PRKG2: variants seen among roughly 807,000 people sequenced by gnomAD.
The protein encoded by PRKG2 is cGMP-dependent protein kinase 2.
A neutral mutation model predicts 97.2 loss-of-function variants in PRKG2; 33 were observed. The observed-to-expected ratio is 0.34, with a 90% CI of 0.26 to 0.45. PRKG2 has a LOEUF of 0.45. Ranked by LOEUF, PRKG2 falls within the 20% of genes least tolerant of loss-of-function variation. PRKG2 has a pLI of 1.00. For missense variants in PRKG2, 638 were observed against 900.0 expected (o/e 0.71, Z 3.73); for synonymous variants, 330 against 321.8 (o/e 1.03, Z -0.27).
At chr4:81,140,046 C>G (rs1318643870) in intron 12 of PRKG2, among the ~76,000 whole-genome samples, 1 of 152,060 alleles carries the variant, frequency 6.6e-6, no homozygotes, top group Non-Finnish European at 1.5e-5. Context: ...ATAAGCCAGA[C>G]AGAGAAAGAC....
intron 14 of PRKG2, among the ~76,000 whole-genome samples, chr4:81,116,402 A>G (rs1198530783): frequency 6.6e-6 from 1 of 152,176 alleles, no homozygotes; most frequent in Admixed American, 6.5e-5. Flanking sequence ...TCCATGTTAT[A>G]TATGTACAAC....
At chr4:81,141,875 C>G (rs573501349) in intron 11 of PRKG2, among the ~76,000 whole-genome samples, 2 of 152,156 alleles carry the variant, frequency 1.3e-5, no homozygotes, top group Non-Finnish European at 2.9e-5. Context: ...TGTCCCTGCC[C>G]CCATCAGAGA....
At chr4:81,163,867 C>T (rs1355819409) in intron 6 of PRKG2, among the ~76,000 whole-genome samples, 1 of 66,080 alleles carries the variant, frequency 1.5e-5, no homozygotes, top group African/African-American at 2.3e-4. Context: ...GTATAGTACA[C>T]ACACACACAC....
At chr4:81,148,833 A>C in intron 9 of PRKG2, 51 bp downstream of exon 9, 1 of 1,514,476 alleles carries the variant, frequency 6.6e-7, no homozygotes, top group Non-Finnish European at 9.2e-7. Context: ...ACAGAAGGCC[A>C]AGTCTTCAAA....
At position 81,137,631 on chromosome 4, in the gene PRKG2, T is replaced by A. The variant is rs894137983; in HGVS notation, c.1545-149A>T. 4.8e-6 allele frequency: 3 copies of A among 627,878 alleles called. No individual in the cohort carries two copies. In the Admixed American group the frequency reaches 8.3e-5, roughly 17 times the overall value. 38.9% of individuals were successfully genotyped at this position (627,878 alleles called of 1,614,324 possible). A position where few individuals can be genotyped will look rare whatever the true frequency, so the allele number is the denominator to read the frequency against. ...CAACTACACTGGGCTTCTCGCCAAA[T>A]CCTCTTTGATTTCCCCACTGCCTTG... On this transcript the variant is annotated intron_variant, in intron 12 of 18. Coordinates refer to ENST00000264399, the MANE Select transcript of PRKG2 (RefSeq NM_006259.3).
Position 81,144,967 on chromosome 4 carries a change from G to A in PRKG2, c.1155-637C>T, listed in dbSNP as rs971128636. ...ATTTTTTATGGCTGCACAGTATTCCGTGGTGTATATGTGCCACATTTTCTT... is the reference window on the plus strand; with the variant it reads ...ATTTTTTATGGCTGCACAGTATTCCATGGTGTATATGTGCCACATTTTCTT... On this transcript the variant is annotated intron_variant, in intron 9 of 18. Coordinates refer to ENST00000264399, the MANE Select transcript of PRKG2 (RefSeq NM_006259.3). 1.1e-4 allele frequency among the ~76,000 whole-genome samples: 16 copies of A among 151,898 alleles called. No individual in the cohort carries two copies. In the South Asian group the frequency reaches 1.9e-3, roughly 18 times the overall value.
At chr4:81,185,856 A>G (rs1751836591) in intron 2 of PRKG2, among the ~76,000 whole-genome samples, 1 of 152,230 alleles carries the variant, frequency 6.6e-6, no homozygotes. Context: ...TAAACCTACA[A>G]AGATCAAAAA....
chr4:81,103,070 T>C (rs138086080), intron 17 of PRKG2, among the ~76,000 whole-genome samples: 4 of 152,348 alleles, frequency 2.6e-5, no homozygotes, highest in African/African-American at 9.6e-5. Flanking sequence ...ATCTTAAAGA[T>C]GGCAGTAGTT....
chr4:81,087,861 T>C lies in PRKG2; in HGVS notation c.*1847A>G, dbSNP rs895739871. On this transcript the variant is annotated 3_prime_UTR_variant, in exon 19 of 19. Transcript: ENST00000264399. ...AACCTGTAGTACTCTAACTTGGTTATTTCTATATATGTAGGGTTTTAAAAA... is the reference window on the plus strand; with the variant it reads ...AACCTGTAGTACTCTAACTTGGTTACTTCTATATATGTAGGGTTTTAAAAA... The C allele has an allele frequency of 6.6e-6, 1 of 152,152 alleles. No homozygotes were observed. The highest frequency in any genetic ancestry group is 1.5e-5 in the Non-Finnish European group (1 of 67,994). The allele number at this position is 152,152 out of a possible 1,614,324, so 9.4% of individuals were successfully genotyped here.
chr4:81,156,389 A>G (rs1039216944), intron 6 of PRKG2, among the ~76,000 whole-genome samples: 2 of 152,226 alleles, frequency 1.3e-5, no homozygotes, highest in African/African-American at 2.4e-5. Flanking sequence ...ACTATCCTAA[A>G]TATATATGCA....
Position 81,174,973 on chromosome 4 carries a change from A to T in PRKG2, c.462-14T>A. The T allele has an allele frequency of 6.3e-7, 1 of 1,575,782 alleles. No homozygotes were observed. The highest frequency in any genetic ancestry group is 8.6e-7 in the Non-Finnish European group (1 of 1,157,120). ...AGCTTCTTCTCACTGGTATAATGGA[A>T]AAGAGATGTTAGTTACAATTAATGA... is the stretch of plus-strand genomic sequence containing the variant. On this transcript the variant is annotated splice_polypyrimidine_tract_variant and intron_variant, in intron 2 of 18. Coordinates refer to ENST00000264399, the MANE Select transcript of PRKG2 (RefSeq NM_006259.3).
chr4:81,143,848 C>T (rs1262021860), intron 10 of PRKG2, among the ~76,000 whole-genome samples: 8 of 152,148 alleles, frequency 5.3e-5, no homozygotes, highest in Non-Finnish European at 1.0e-4. Context: ...CTCCACATAT[C>T]CCTGGGCAAT....
At chr4:81,092,911 T>C (rs376046185) in intron 17 of PRKG2, among the ~76,000 whole-genome samples, 14 of 152,234 alleles carry the variant, frequency 9.2e-5, no homozygotes, top group Admixed American at 3.3e-4. Context: ...ATACCTTCAC[T>C]CTACTAGCAA....
intron 6 of PRKG2, among the ~76,000 whole-genome samples, chr4:81,158,149 T>G (rs1452612371): frequency 6.9e-6 from 1 of 145,620 alleles, no homozygotes; most frequent in Non-Finnish European, 1.5e-5. Context: ...TGTCCCTGTT[T>G]GCAGACGATA....
intron 7 of PRKG2, among the ~76,000 whole-genome samples, chr4:81,153,279 T>A (rs1234943219): frequency 6.6e-6 from 1 of 152,186 alleles, no homozygotes; most frequent in Non-Finnish European, 1.5e-5. Flanking sequence ...ACTTGTCATA[T>A]CTATTGGATA....
At chr4:81,176,482 A>T (rs1412272053) in intron 2 of PRKG2, among the ~76,000 whole-genome samples, 1 of 152,196 alleles carries the variant, frequency 6.6e-6, no homozygotes, top group Non-Finnish European at 1.5e-5. Flanking sequence ...TATTGAGAAC[A>T]TATCTTTGCT....
At chr4:81,202,781 A>G (rs533921048) in intron 2 of PRKG2, among the ~76,000 whole-genome samples, 1 of 152,270 alleles carries the variant, frequency 6.6e-6, no homozygotes, top group African/African-American at 2.4e-5. Flanking sequence ...CCTTAAATAA[A>G]AGCAAGGAAA....
intron 14 of PRKG2, among the ~76,000 whole-genome samples, chr4:81,121,570 C>A (rs1358208509): frequency 6.6e-6 from 1 of 151,934 alleles, no homozygotes; most frequent in Non-Finnish European, 1.5e-5. Flanking sequence ...TCTAGATTAT[C>A]AAATTTGTAG....
chr4:81,190,968 C>G (rs897345423), intron 2 of PRKG2, among the ~76,000 whole-genome samples: 1 of 152,160 alleles, frequency 6.6e-6, no homozygotes, highest in Non-Finnish European at 1.5e-5. Flanking sequence ...AACAGGAACA[C>G]TTCTACACTG....
Sources: allele counts gnomAD v4.1 joint callset (sites outside exome capture counted in the v4.1 genomes callset), GRCh38; gene constraint gnomAD v4.1.1; transcripts MANE v1.5; gene names NCBI Gene and HGNC (gene_info 2026-07-23, HGNC 2026-07-21).